Variants in ESR1 observed in about 807,000 individuals in gnomAD.
The protein encoded by ESR1 is estrogen receptor.
A neutral mutation model predicts 52.7 loss-of-function variants in ESR1; 12 were observed. That is an observed-to-expected ratio of 0.23 (90% CI 0.15 to 0.37). The LOEUF (loss-of-function observed/expected upper bound fraction) is 0.37, where lower values mean the gene tolerates loss of function less well. Among genes scored for constraint, ESR1 ranks in the 10% least tolerant of loss-of-function variants. The pLI is 1.00. For missense variants in ESR1, 584 were observed against 779.7 expected (o/e 0.75, Z 2.99); for synonymous variants, 305 against 316.8 (o/e 0.96, Z 0.39).
intron 1 of ESR1, among the ~76,000 whole-genome samples, chr6:151,674,213 G>C (rs1480531436): frequency 6.6e-6 from 1 of 152,064 alleles, no homozygotes; most frequent in Admixed American, 6.5e-5. Flanking sequence ...CCTGGTGTGG[G>C]ATGTTCCCCT....
chr6:151,979,320 G>T (rs1349791917), intron 4 of ESR1, among the ~76,000 whole-genome samples: 2 of 152,042 alleles, frequency 1.3e-5, no homozygotes, highest in Non-Finnish European at 2.9e-5. Flanking sequence ...TTCTAGAACA[G>T]GTAGAGAACA....
downstream of ESR1, among the ~76,000 whole-genome samples, chr6:152,107,869 C>T (rs2051084474): frequency 6.6e-6 from 1 of 152,068 alleles, no homozygotes; most frequent in African/African-American, 2.4e-5. Flanking sequence ...ATTATTATTC[C>T]TGTTTTTATT....
exon 1 of ESR1, chr6:151,690,558 G>T (rs756044949): frequency 6.6e-6 from 1 of 152,136 alleles, no homozygotes; most frequent in Non-Finnish European, 1.5e-5. Context: ...GAAAATGCAG[G>T]CTCCATGCTC....
intron 2 of ESR1, among the ~76,000 whole-genome samples, chr6:151,867,673 A>G (rs1790190403): frequency 6.6e-6 from 1 of 152,222 alleles, no homozygotes; most frequent in Non-Finnish European, 1.5e-5. Context: ...GGATGTGGGG[A>G]AATAGGAACG....
chr6:151,672,969 C>T (rs2115260959), intron 1 of ESR1, among the ~76,000 whole-genome samples: 1 of 151,824 alleles, frequency 6.6e-6, no homozygotes, highest in Admixed American at 6.6e-5. Context: ...GCTGGGACTA[C>T]AGGCCCCCGC....
At chr6:151,891,921 T>C (rs536514069) in intron 3 of ESR1, among the ~76,000 whole-genome samples, 28 of 152,270 alleles carry the variant, frequency 1.8e-4, no homozygotes, top group Non-Finnish European at 1.0e-4. Context: ...ACTTAAGATT[T>C]AATTACCTAA....
At chr6:151,726,417 C>T (rs186247512) in intron 2 of ESR1, among the ~76,000 whole-genome samples, 2,133 of 152,108 alleles carry the variant, frequency 0.014, 57 homozygotes, top group African/African-American at 0.049. Context: ...CTGCAAGCTC[C>T]GCCTGCCGGG....
intron 2 of ESR1, among the ~76,000 whole-genome samples, chr6:151,858,894 A>G (rs1453903028): frequency 6.6e-6 from 1 of 152,210 alleles, no homozygotes; most frequent in Non-Finnish European, 1.5e-5. Flanking sequence ...TACTTCTGTA[A>G]GATTTAGTAG....
chr6:152,073,113 T>C (rs1265264517), intron 6 of ESR1, among the ~76,000 whole-genome samples: 1 of 152,234 alleles, frequency 6.6e-6, no homozygotes, highest in African/African-American at 2.4e-5. Flanking sequence ...AATTACAAAT[T>C]TGTTAGCCCC....
intron 1 of ESR1, among the ~76,000 whole-genome samples, chr6:151,676,694 C>T (rs1738380): frequency 0.21 from 31,630 of 152,058 alleles, 4,071 homozygotes; most frequent in Non-Finnish European, 0.28. Flanking sequence ...TAGCACCCCT[C>T]ATGGGAAGGC....
chr6:151,791,385 C>T (rs559621924), intron 2 of ESR1, among the ~76,000 whole-genome samples: 10 of 152,268 alleles, frequency 6.6e-5, no homozygotes, highest in Admixed American at 3.9e-4. Flanking sequence ...TCTTGCCTGC[C>T]GCCATGTAAG....
intron 2 of ESR1, among the ~76,000 whole-genome samples, chr6:151,880,332 A>G (rs1451335564): frequency 1.3e-5 from 2 of 151,564 alleles, no homozygotes; most frequent in Admixed American, 6.6e-5. Context: ...ACAGGTGTAC[A>G]CCACCATACC....
intron 3 of ESR1, among the ~76,000 whole-genome samples, chr6:151,885,732 G>C (rs1323412145): frequency 1.7e-4 from 26 of 152,304 alleles, no homozygotes; most frequent in Non-Finnish European, 2.8e-4. Flanking sequence ...GCAGAAGCCT[G>C]TAATCCCAGC....
intron 5 of ESR1, 40 bp from the exon 6 acceptor site, chr6:152,060,951 T>A (rs766114021): frequency 1.3e-6 from 2 of 1,491,178 alleles, no homozygotes; most frequent in Non-Finnish European, 1.8e-6. Flanking sequence ...TGTTTTTTAA[T>A]CTTTTTATTT....
chr6:151,829,158 C>G (rs1042375076), intron 1 of ESR1, among the ~76,000 whole-genome samples: 2 of 152,220 alleles, frequency 1.3e-5, no homozygotes, highest in African/African-American at 4.8e-5. Context: ...TCCAGAATCA[C>G]TCATATGCTG....
intron 3 of ESR1, among the ~76,000 whole-genome samples, chr6:151,890,021 G>A (rs1244385518): frequency 6.6e-6 from 1 of 151,380 alleles, no homozygotes; most frequent in East Asian, 1.9e-4. Context: ...ACTTGATATG[G>A]TGTCAATGTT....
chr6:152,089,146 A>G (rs2049980303), intron 6 of ESR1, among the ~76,000 whole-genome samples: 1 of 152,242 alleles, frequency 6.6e-6, no homozygotes, highest in South Asian at 2.1e-4. Flanking sequence ...TATCAGGAAA[A>G]CTCTGGAGAC....
In ESR1 at chr6:152,098,836, C is replaced by G. The variant is rs2050846905; in HGVS notation, c.1658C>G (p.Thr553Ser). Residue 553 changes from threonine (T) to serine (S), a missense_variant, in exon 8 of 8, where the codon ACT (threonine) becomes AGT (serine). By Grantham distance (58) the Thr-to-Ser change is moderately conservative (BLOSUM62 1). Coordinates refer to ENST00000206249, the MANE Select transcript of ESR1 (RefSeq NM_000125.4). This position sits in a 1 kb window ranked among gnomAD's most constrained non-coding sequence, Gnocchi z 5.1. The part of the protein sequence containing the change: ...MLDAHRLHAP[T>S]SRGGASVEET... The stretch of plus-strand genomic sequence containing the variant: ...GACGCCCACCGCCTACATGCGCCCA[C>G]TAGCCGTGGAGGGGCATCCGTGGAG... 3.1e-6 allele frequency: 5 copies of G among 1,614,106 alleles called. No individual in the cohort carries two copies. The highest frequency in any genetic ancestry group is 1.6e-4 in the Middle Eastern group (1 of 6,084).
intron 2 of ESR1, among the ~76,000 whole-genome samples, chr6:151,720,199 G>A (rs1781359595): frequency 6.6e-6 from 1 of 152,088 alleles, no homozygotes; most frequent in African/African-American, 2.4e-5. Flanking sequence ...AATATGCTGA[G>A]TGTTCTACCT....
Sources: allele counts gnomAD v4.1 joint callset (sites outside exome capture counted in the v4.1 genomes callset), GRCh38; gene constraint gnomAD v4.1.1; non-coding constraint Gnocchi (gnomAD v3.1); transcripts MANE v1.5; gene names NCBI Gene and HGNC (gene_info 2026-07-23, HGNC 2026-07-21).